Variants in TMTC2 observed in about 807,000 individuals in gnomAD.
The protein encoded by TMTC2 is protein O-mannosyl-transferase TMTC2.
Under a neutral mutation model 82.4 loss-of-function variants are expected in TMTC2, and 43 were observed. The ratio of observed to expected loss-of-function variants is 0.52; its 90% CI spans 0.41 to 0.67. The LOEUF (loss-of-function observed/expected upper bound fraction) is 0.67. Ranked by LOEUF, TMTC2 falls within the 30% of genes least tolerant of loss-of-function variation. TMTC2 has a pLI of 0.00. For missense variants in TMTC2, 919 were observed against 1,012.4 expected, an observed-to-expected ratio of 0.91 and a Z score of 1.25; for synonymous variants, 408 against 381.9, an observed-to-expected ratio of 1.07 and a Z score of -0.80.
chr12:83,089,833 C>CA (rs1185835999), intron 11 of TMTC2, among the ~76,000 whole-genome samples: 23 of 134,482 alleles, frequency 1.7e-4, no homozygotes, highest in Admixed American at 2.9e-4. Context: ...GCAAAAAAAA[C>CA]AAAAAACAAA....
intron 2 of TMTC2, among the ~76,000 whole-genome samples, chr12:82,890,349 C>G (rs1873332875): frequency 6.6e-6 from 1 of 152,056 alleles, no homozygotes; most frequent in Non-Finnish European, 1.5e-5. Flanking sequence ...CATGTTGCAG[C>G]AATACTTGAA....
At chr12:82,838,234 C>G (rs1870154875) in intron 1 of TMTC2, among the ~76,000 whole-genome samples, 1 of 152,174 alleles carries the variant, frequency 6.6e-6, no homozygotes, top group Non-Finnish European at 1.5e-5. Context: ...GTCATCAACA[C>G]CCTGTGACAA....
intron 4 of TMTC2, among the ~76,000 whole-genome samples, chr12:82,943,984 G>T (rs184379128): frequency 6.6e-6 from 1 of 152,212 alleles, no homozygotes; most frequent in African/African-American, 2.4e-5. Flanking sequence ...CTGAAGGAAA[G>T]AGAAATGAAA....
intron 1 of TMTC2, among the ~76,000 whole-genome samples, chr12:82,753,783 C>G (rs1592901696): frequency 6.6e-6 from 1 of 152,260 alleles, no homozygotes; most frequent in East Asian, 1.9e-4. Flanking sequence ...AAATGCATTT[C>G]TAGTTTTTGA....
At chr12:83,127,880 A>C (rs928588032) in intron 11 of TMTC2, among the ~76,000 whole-genome samples, 6 of 152,224 alleles carry the variant, frequency 3.9e-5, no homozygotes, top group Admixed American at 3.9e-4. Flanking sequence ...CCACAGTAAA[A>C]TAACAAGGCA....
intron 8 of TMTC2, chr12:82,986,426 A>T (rs1039150611): frequency 6.2e-6 from 1 of 161,192 alleles, no homozygotes; most frequent in East Asian, 1.7e-4. Flanking sequence ...AAAACAAAAC[A>T]AACAGATGTG....
chr12:83,067,211 A>G (rs1488256914), intron 11 of TMTC2, among the ~76,000 whole-genome samples: 1 of 152,022 alleles, frequency 6.6e-6, no homozygotes, highest in Non-Finnish European at 1.5e-5. Flanking sequence ...GAGAGTAAGG[A>G]TATTTGTGCC....
At chr12:82,712,851 A>G (rs1428698240) in intron 1 of TMTC2, among the ~76,000 whole-genome samples, 1 of 152,164 alleles carries the variant, frequency 6.6e-6, no homozygotes, top group East Asian at 1.9e-4. Flanking sequence ...CAGAAGTAGG[A>G]TGAACAGATT....
intron 1 of TMTC2, among the ~76,000 whole-genome samples, chr12:82,740,464 A>T (rs187324623): frequency 6.6e-6 from 1 of 152,154 alleles, no homozygotes; most frequent in African/African-American, 2.4e-5. Context: ...CTCTTCAGAG[A>T]TGTAAGAATG....
At chr12:83,079,198 T>C (rs1447004420) in intron 11 of TMTC2, among the ~76,000 whole-genome samples, 1 of 152,072 alleles carries the variant, frequency 6.6e-6, no homozygotes, top group African/African-American at 2.4e-5. Flanking sequence ...AGTTGATTTA[T>C]CATTATCTAC....
intron 1 of TMTC2, among the ~76,000 whole-genome samples, chr12:82,715,566 T>C (rs1314005085): frequency 1.3e-5 from 2 of 152,218 alleles, no homozygotes; most frequent in East Asian, 3.9e-4. Context: ...CTTCAGACTT[T>C]CTTCCTGCAG....
At chr12:82,808,165 C>T (rs779781520) in intron 1 of TMTC2, among the ~76,000 whole-genome samples, 2 of 151,576 alleles carry the variant, frequency 1.3e-5, no homozygotes, top group Non-Finnish European at 2.9e-5. Flanking sequence ...ATAAGTTGAA[C>T]CAAAATGTCA....
chr12:82,883,311 A>G (rs1396207707), intron 2 of TMTC2, among the ~76,000 whole-genome samples: 1 of 152,190 alleles, frequency 6.6e-6, no homozygotes, highest in Non-Finnish European at 1.5e-5. Flanking sequence ...ATATTTCCAT[A>G]TAACAACATT....
chr12:83,042,873 G>T (rs533833211), intron 9 of TMTC2, among the ~76,000 whole-genome samples: 2 of 152,206 alleles, frequency 1.3e-5, no homozygotes, highest in African/African-American at 2.4e-5. Flanking sequence ...ACTTGGTCTC[G>T]TGTTCACTTA....
chr12:83,054,693 ATATAG>A (rs1269513836), intron 10 of TMTC2, among the ~76,000 whole-genome samples: 2 of 151,268 alleles, frequency 1.3e-5, no homozygotes, highest in African/African-American at 2.4e-5. Flanking sequence ...ATGTAGTTTT[ATATAG>A]CATATATGCT....
chr12:82,820,383 T>G (rs1869018643), intron 1 of TMTC2, among the ~76,000 whole-genome samples: 2 of 152,140 alleles, frequency 1.3e-5, no homozygotes, highest in African/African-American at 4.8e-5. Flanking sequence ...TTCTCTTTTT[T>G]TTTTCGAGAC....
chr12:82,779,036 CAAAAAAAA>C (rs1196960733), intron 1 of TMTC2, among the ~76,000 whole-genome samples: 1 of 75,180 alleles, frequency 1.3e-5, no homozygotes, highest in Non-Finnish European at 2.8e-5. Context: ...GACTCCATAT[CAAAAAAAA>C]AAAAAAAAAA....
intron 8 of TMTC2, among the ~76,000 whole-genome samples, chr12:83,019,322 A>G (rs1592697633): frequency 6.6e-6 from 1 of 151,856 alleles, no homozygotes; most frequent in Non-Finnish European, 1.5e-5. Context: ...TGTTCTATCC[A>G]TTTCCTTACC....
intron 1 of TMTC2, among the ~76,000 whole-genome samples, chr12:82,845,255 AT>A (rs1418757816): frequency 9.6e-4 from 119 of 123,876 alleles, no homozygotes; most frequent in African/African-American, 3.4e-3. Context: ...AAAAAAAAAT[AT>A]ATATATATAT....
Sources: gnomAD v4.1 joint callset for allele counts (sites outside exome capture counted in the v4.1 genomes callset) on GRCh38, gnomAD v4.1.1 for gene constraint, MANE v1.5 for transcripts, NCBI Gene and HGNC (gene_info 2026-07-23, HGNC 2026-07-21) for gene names.